Variants in RASGRP3 observed in about 807,000 individuals in gnomAD.
RASGRP3 encodes ras guanyl-releasing protein 3.
A neutral mutation model predicts 82.7 loss-of-function variants in RASGRP3; 54 were observed. The observed-to-expected ratio is 0.65, with a 90% CI of 0.52 to 0.82. The LOEUF (loss-of-function observed/expected upper bound fraction) is 0.82, where lower values mean the gene tolerates loss of function less well. Ranked by LOEUF, RASGRP3 falls within the 40% of genes least tolerant of loss-of-function variation. The probability of loss-of-function intolerance (pLI) is 0.00; values close to 1 mark genes in which losing one functional copy is unlikely to be tolerated. For missense variants in RASGRP3, 861 were observed against 828.9 expected (o/e 1.04, Z -0.48); for synonymous variants, 309 against 300.5 (o/e 1.03, Z -0.29).
chr2:33,524,570 T>C (rs1479977268), intron 9 of RASGRP3, 22 bp downstream of exon 9: 3 of 1,502,998 alleles, frequency 2.0e-6, no homozygotes, highest in Non-Finnish European at 2.7e-6. Context: ...TTGATCCTAA[T>C]CAAAAGTAAA....
chr2:33,450,308 C>T (rs754578309), intron 2 of RASGRP3, among the ~76,000 whole-genome samples: 4 of 152,088 alleles, frequency 2.6e-5, no homozygotes, highest in Admixed American at 6.6e-5. Flanking sequence ...TAACTGTAGT[C>T]ATTATGCTGT....
chr2:33,521,808 G>C, intron 6 of RASGRP3, 147 bp from the exon 7 acceptor site: 1 of 1,006,200 alleles, frequency 9.9e-7, no homozygotes, highest in Non-Finnish European at 1.4e-6. Context: ...CTGGTCAGTG[G>C]TTTTCTCTTC....
At chr2:33,479,900 G>C (rs1448396099) in intron 1 of RASGRP3, among the ~76,000 whole-genome samples, 2 of 152,040 alleles carry the variant, frequency 1.3e-5, no homozygotes, top group Non-Finnish European at 2.9e-5. Flanking sequence ...TAATCAACAG[G>C]GAACCTTTTA....
At position 33,562,632 on chromosome 2, in the gene RASGRP3, T is replaced by C. The variant is rs1010315311; in HGVS notation, c.2065-97T>C. The C allele has an allele frequency of 1.3e-5, 17 of 1,337,302 alleles. No individual in the cohort carries two copies. The East Asian group carries it at 4.0e-4, about 31-fold the overall frequency. The allele number at this position is 1,337,302 out of a possible 1,614,324, so 82.8% of individuals were successfully genotyped here. ...ACTACAAGGTACTGATCATTTCAGA[T>C]GTTCCCTCAAAGTCATCTGAAAAAC... On this transcript the variant is annotated intron_variant, in intron 17 of 17. Transcript: ENST00000403687.
chr2:33,462,240 G>A (rs762512357), intron 2 of RASGRP3, among the ~76,000 whole-genome samples: 25 of 152,122 alleles, frequency 1.6e-4, no homozygotes, highest in Non-Finnish European at 3.1e-4. Flanking sequence ...TGTGAACCCA[G>A]AACAGCTTAG....
chr2:33,551,821 G>A (rs186648603), intron 14 of RASGRP3, among the ~76,000 whole-genome samples: 3 of 152,040 alleles, frequency 2.0e-5, no homozygotes, highest in Admixed American at 6.5e-5. Flanking sequence ...GTGAAACCCC[G>A]TCTCTACTAA....
intron 1 of RASGRP3, chr2:33,482,885 G>C (rs1034758075): frequency 3.3e-5 from 5 of 152,184 alleles, no homozygotes; most frequent in Admixed American, 2.0e-4. Flanking sequence ...CTTTTTCTGA[G>C]TATGAATGTG....
chr2:33,550,416 TACTG>T (rs975046730), intron 14 of RASGRP3, among the ~76,000 whole-genome samples: 9 of 152,298 alleles, frequency 5.9e-5, no homozygotes, highest in African/African-American at 1.7e-4. Context: ...GACACAGGTG[TACTG>T]ACTGTCAGCC....
rs770406000 is a variant in RASGRP3 at position 33,527,369 on chromosome 2, C to G, written c.1040C>G (p.Ser347Cys). ...GAACTAGTCTCCCTGCAGAATGCCT[C>G]TCACCACTTAGAACCCAACATGGAT... ...LSELVSLQNA[S>C]HHLEPNMDLI... The change falls in exon 10 of 18, where the codon TCT becomes TGT. Residue 347 changes from serine to cysteine, a missense_variant. Transcript: ENST00000403687. 2 of 1,613,934 alleles carry G rather than the reference C, an allele frequency of 1.2e-6. No homozygotes were observed. The highest frequency in any genetic ancestry group is 2.2e-5 in the South Asian group (2 of 91,076).
chr2:33,456,314 T>A (rs1574239111), intron 2 of RASGRP3, among the ~76,000 whole-genome samples: 1 of 152,102 alleles, frequency 6.6e-6, no homozygotes, highest in Admixed American at 6.6e-5. Flanking sequence ...TACACTGTGA[T>A]TATTGAGATA....
chr2:33,537,328 C>CCCCCCA, intron 11 of RASGRP3, among the ~76,000 whole-genome samples: 1 of 66,378 alleles, frequency 1.5e-5, no homozygotes, highest in Non-Finnish European at 2.7e-5. Flanking sequence ...ACACCGCCCC[C>CCCCCCA]CCCACACACA....
chr2:33,548,231 G>A (rs1005452916), intron 13 of RASGRP3, among the ~76,000 whole-genome samples: 2 of 151,700 alleles, frequency 1.3e-5, no homozygotes, highest in Admixed American at 6.6e-5. Flanking sequence ...CGCAGTGGCG[G>A]GCGCCTGTAG....
chr2:33,488,407 G>T (rs934916848), intron 1 of RASGRP3, among the ~76,000 whole-genome samples: 53 of 152,296 alleles, frequency 3.5e-4, no homozygotes, highest in African/African-American at 1.3e-3. Context: ...GAACACAGAA[G>T]ATGCTTTATT....
chr2:33,528,940 C>A (rs1042924896), intron 10 of RASGRP3, among the ~76,000 whole-genome samples: 3 of 152,122 alleles, frequency 2.0e-5, no homozygotes, highest in Non-Finnish European at 4.4e-5. Flanking sequence ...AGAGTTGCAG[C>A]CCCAGTCAGA....
chr2:33,534,247 T>C (rs986751278), intron 10 of RASGRP3, 76 bp from the exon 11 acceptor site: 18 of 1,048,866 alleles, frequency 1.7e-5, no homozygotes, highest in Non-Finnish European at 2.2e-5. Flanking sequence ...AACATTCAAC[T>C]TGAAAAAAAA....
chr2:33,561,871 A>G (rs1676697634), intron 17 of RASGRP3, among the ~76,000 whole-genome samples: 1 of 152,194 alleles, frequency 6.6e-6, no homozygotes, highest in Non-Finnish European at 1.5e-5. Context: ...ATGTCAGAAC[A>G]GTTCAAGATT....
intron 11 of RASGRP3, among the ~76,000 whole-genome samples, chr2:33,537,333 C>A (rs1226582062): frequency 7.8e-6 from 1 of 127,486 alleles, no homozygotes; most frequent in African/African-American, 3.1e-5. Flanking sequence ...GCCCCCCCCA[C>A]ACACACACAC....
chr2:33,501,767 G>A (rs576955932), intron 1 of RASGRP3, among the ~76,000 whole-genome samples: 3 of 152,298 alleles, frequency 2.0e-5, no homozygotes, highest in Non-Finnish European at 2.9e-5. Context: ...CAGTTTAGAG[G>A]CCAGCAGTAG....
At position 33,562,794 on chromosome 2, in the gene RASGRP3, G is replaced by C. The variant is rs139073563; in HGVS notation, c.*57G>C. Reference sequence around the variant, plus strand: ...TTGGCTTTTGGAAGGGGCAAGACGAGAAACTCTGAAGAAAGCTCTGACTCT... The same window carrying C: ...TTGGCTTTTGGAAGGGGCAAGACGACAAACTCTGAAGAAAGCTCTGACTCT... On this transcript the variant is annotated 3_prime_UTR_variant, in exon 18 of 18. Coordinates refer to ENST00000403687, the MANE Select transcript of RASGRP3 (RefSeq NM_001139488.2). 7 of 1,585,844 alleles carry C rather than the reference G, an allele frequency of 4.4e-6. No homozygotes were observed. The highest frequency in any genetic ancestry group is 1.7e-5 in the Admixed American group (1 of 59,802).
Sources: allele counts gnomAD v4.1 joint callset (sites outside exome capture counted in the v4.1 genomes callset), GRCh38; gene constraint gnomAD v4.1.1; transcripts MANE v1.5; gene names NCBI Gene and HGNC (gene_info 2026-07-23, HGNC 2026-07-21).